SNX29: variants seen among roughly 807,000 people sequenced by gnomAD.
SNX29 encodes sorting nexin 29, also known as sorting nexin-29.
Under a neutral mutation model 102.1 loss-of-function variants are expected in SNX29, and 78 were observed. That is an observed-to-expected ratio of 0.76 (90% CI 0.64 to 0.92). The LOEUF (loss-of-function observed/expected upper bound fraction) is 0.92. Ranked by LOEUF, SNX29 falls within the 40% of genes least tolerant of loss-of-function variation. SNX29 has a pLI of 0.00. For missense variants in SNX29, 1,280 were observed against 1,061.7 expected, an observed-to-expected ratio of 1.21 and a Z score of -2.86; for synonymous variants, 580 against 414.5, an observed-to-expected ratio of 1.40 and a Z score of -4.85.
chr16:12,011,589 A>G (rs1361099352), intron 3 of SNX29, among the ~76,000 whole-genome samples: 2 of 152,104 alleles, frequency 1.3e-5, no homozygotes, highest in South Asian at 2.1e-4. Context: ...ACCTATTTTT[A>G]TATCTAAATT....
intron 16 of SNX29, among the ~76,000 whole-genome samples, chr16:12,364,325 G>A (rs2082396163): frequency 6.6e-6 from 1 of 152,016 alleles, no homozygotes; most frequent in Admixed American, 6.6e-5. Flanking sequence ...ATAGGTGTGA[G>A]CCACCAAACT....
At chr16:11,995,555 C>T (rs1393244870) in intron 1 of SNX29, among the ~76,000 whole-genome samples, 1 of 151,568 alleles carries the variant, frequency 6.6e-6, no homozygotes, top group Non-Finnish European at 1.5e-5. Flanking sequence ...TTTCTTCCCC[C>T]CCCACCCCAT....
chr16:12,183,866 A>C (rs4781192), intron 13 of SNX29, among the ~76,000 whole-genome samples: 25,747 of 152,190 alleles, frequency 0.17, 2,343 homozygotes, highest in East Asian at 0.27. Flanking sequence ...TCTAGTCATC[A>C]TCACTGCTAT....
chr16:12,033,666 G>A (rs2057401570), intron 4 of SNX29, among the ~76,000 whole-genome samples: 1 of 151,442 alleles, frequency 6.6e-6, no homozygotes, highest in Non-Finnish European at 1.5e-5. Context: ...GAGTGCAGTG[G>A]TGCAATCTTG....
chr16:12,316,804 C>T (rs1159542394), intron 15 of SNX29, among the ~76,000 whole-genome samples: 1 of 152,180 alleles, frequency 6.6e-6, no homozygotes, highest in Non-Finnish European at 1.5e-5. Flanking sequence ...GGGATGGAAC[C>T]ATGAGCTCCA....
chr16:12,550,900 C>G (rs1488896569), intron 20 of SNX29, among the ~76,000 whole-genome samples: 1 of 152,148 alleles, frequency 6.6e-6, no homozygotes, highest in African/African-American at 2.4e-5. Context: ...AGGGGAAGCT[C>G]AGAATTGCTG....
chr16:12,143,344 C>G (rs1441132759), intron 13 of SNX29, among the ~76,000 whole-genome samples: 1 of 152,158 alleles, frequency 6.6e-6, no homozygotes, highest in Non-Finnish European at 1.5e-5. Flanking sequence ...TCCAGGAGTT[C>G]CATTTTCGTG....
At chr16:12,526,641 G>A (rs1405334838) in intron 20 of SNX29, 5 of 528,248 alleles carry the variant, frequency 9.5e-6, no homozygotes, top group African/African-American at 3.8e-5. Context: ...AGGGTGCACG[G>A]GGGAATTAGC....
At chr16:12,135,747 G>A in intron 13 of SNX29, 3 of 597,480 alleles carry the variant, frequency 5.0e-6, no homozygotes, top group Non-Finnish European at 5.3e-6. Context: ...AGCCATTTGT[G>A]GTGGTTTTTC....
intron 19 of SNX29, among the ~76,000 whole-genome samples, chr16:12,510,470 C>T (rs889715161): frequency 1.5e-4 from 23 of 152,138 alleles, no homozygotes; most frequent in Non-Finnish European, 2.9e-4. Flanking sequence ...GGTCAGAGTT[C>T]GAGACCAGCC....
chr16:12,398,350 C>T, intron 16 of SNX29, 96 bp from the exon 17 acceptor site: 1 of 1,327,754 alleles, frequency 7.5e-7, no homozygotes, highest in Non-Finnish European at 1.1e-6. Flanking sequence ...AGGAAATGTT[C>T]AGGGATCTCT....
intron 13 of SNX29, among the ~76,000 whole-genome samples, chr16:12,163,697 G>T (rs2055890652): frequency 6.6e-6 from 1 of 152,186 alleles, no homozygotes; most frequent in Admixed American, 6.5e-5. Context: ...GTCTTGGGAG[G>T]ATTTGTATTT....
chr16:12,169,917 A>G (rs1318229129), intron 13 of SNX29, among the ~76,000 whole-genome samples: 1 of 152,050 alleles, frequency 6.6e-6, no homozygotes, highest in Non-Finnish European at 1.5e-5. Context: ...CTGGGATTAC[A>G]GGGGTGAGCC....
chr16:12,308,913 A>G (rs768209198), intron 15 of SNX29, among the ~76,000 whole-genome samples: 1 of 152,230 alleles, frequency 6.6e-6, no homozygotes, highest in Non-Finnish European at 1.5e-5. Flanking sequence ...TGTTGCATGT[A>G]GGAAGGAGAG....
intron 14 of SNX29, among the ~76,000 whole-genome samples, chr16:12,237,380 T>G (rs1001593861): frequency 3.3e-5 from 5 of 152,190 alleles, no homozygotes; most frequent in African/African-American, 1.2e-4. Flanking sequence ...TCTCTAAGCC[T>G]CCCAGATTTT....
intron 8 of SNX29, among the ~76,000 whole-genome samples, chr16:12,061,154 C>T (rs1014638503): frequency 1.3e-5 from 2 of 152,200 alleles, no homozygotes; most frequent in Admixed American, 6.5e-5. Context: ...CATGACCTTC[C>T]TGGAATGAGC....
intron 3 of SNX29, among the ~76,000 whole-genome samples, chr16:12,024,910 C>T (rs1179755654): frequency 6.6e-6 from 1 of 151,908 alleles, no homozygotes; most frequent in African/African-American, 2.4e-5. Context: ...TGAGACAGAC[C>T]CCTGATCTAG....
rs552911959 is a variant in SNX29, at chr16:12,198,627, A to C, written c.1596-974A>C. Among the ~76,000 whole-genome samples, 12 of 152,362 alleles carry C rather than the reference A, an allele frequency of 7.9e-5. No homozygotes were observed. The East Asian group carries it at 2.3e-3, about 29-fold the overall frequency. On this transcript the variant is annotated intron_variant, in intron 13 of 20. Coordinates refer to ENST00000566228, the MANE Select transcript of SNX29 (RefSeq NM_032167.5). ...GCACCTCCCTCTGGTAGAGCTGGTC[A>C]GAAACCAAGTCTGAATCTCAAAGCA...
intron 13 of SNX29, among the ~76,000 whole-genome samples, chr16:12,180,194 A>G (rs1487775302): frequency 1.3e-5 from 2 of 152,122 alleles, no homozygotes; most frequent in African/African-American, 2.4e-5. Context: ...AAAAACAAAC[A>G]AAAAACAAAC....
Sources: gnomAD v4.1 joint callset for allele counts (sites outside exome capture counted in the v4.1 genomes callset) on GRCh38, gnomAD v4.1.1 for gene constraint, MANE v1.5 for transcripts, NCBI Gene and HGNC (gene_info 2026-07-23, HGNC 2026-07-21) for gene names.